The following MAGOHB variants were observed in gnomAD, a reference collection of about 807,000 sequenced individuals.
MAGOHB encodes protein mago nashi homolog 2.
A neutral mutation model predicts 20.9 loss-of-function variants in MAGOHB; 15 were observed. That is an observed-to-expected ratio of 0.72 (90% CI 0.48 to 1.11). The LOEUF is 1.11. Ranked by LOEUF, MAGOHB falls within the 50% of genes least tolerant of loss-of-function variation. MAGOHB has a pLI of 0.00. For synonymous variants in MAGOHB, 50 were observed against 57.9 expected (o/e 0.86, Z 0.62); for missense variants, 162 against 177.6 (o/e 0.91, Z 0.50).
chr12:10,607,753 T>C (rs1865654978), intron 4 of MAGOHB, 101 bp downstream of exon 4: 1 of 675,506 alleles, frequency 1.5e-6, no homozygotes, highest in Non-Finnish European at 2.6e-6. Context: ...AATAAACTGA[T>C]AGGATGCCAC....
chr12:10,604,013 T>C (rs10772332), downstream of MAGOHB, among the ~76,000 whole-genome samples: 114,050 of 152,044 alleles, frequency 0.75, 43,620 homozygotes, highest in East Asian at 0.99. Flanking sequence ...CTGATACCAA[T>C]GAAATACCAA....
In MAGOHB at chr12:10,609,846, A is replaced by G; in HGVS notation, c.249T>C (p.Asp83=). The part of the protein sequence containing the change: ...KEDDALWPPP[D]RVGRQELEIV... ...AAATACAAACCTGTCGGCCAACCCTATCAGGGGGAGGCCACAAAGCATCAT... is the reference window on the plus strand; with the variant it reads ...AAATACAAACCTGTCGGCCAACCCTGTCAGGGGGAGGCCACAAAGCATCAT... Residue 83 remains aspartate, a synonymous_variant, in exon 3 of 5, where the codon GAT becomes GAC. Transcript: ENST00000320756. 1 of 1,608,858 alleles carries G rather than the reference A, an allele frequency of 6.2e-7. No homozygotes were observed. Among genetic ancestry groups the G allele is most frequent in the Admixed American group, 1.7e-5 (1 of 59,852 alleles).
rs1379360976 is a variant in MAGOHB at position 10,606,389 on chromosome 12, G to C, written c.348-15C>G. Reference sequence around the variant, plus strand: ...CTTCAGGATCCCTAAAATTTAAAAAGGTAAAAGTTACTTTTTCTTCCTAGG... The same window carrying C: ...CTTCAGGATCCCTAAAATTTAAAAACGTAAAAGTTACTTTTTCTTCCTAGG... On this transcript the variant is annotated splice_polypyrimidine_tract_variant and intron_variant, in intron 4 of 4. Coordinates refer to ENST00000320756, the MANE Select transcript of MAGOHB (RefSeq NM_018048.5). 7.1e-7 allele frequency: 1 copy of C among 1,415,030 alleles called. No individual in the cohort carries two copies. The highest frequency in any genetic ancestry group is 1.5e-5 in the African/African-American group (1 of 68,710). 87.7% of individuals were successfully genotyped at this position (1,415,030 alleles called of 1,614,324 possible).
At position 10,606,391 on chromosome 12, in the gene MAGOHB, TA is replaced by T. The variant is rs1395261282; in HGVS notation, c.348-18del. On this transcript the variant is annotated intron_variant, in intron 4 of 4. Transcript: ENST00000320756. The stretch of plus-strand genomic sequence containing the variant: ...TCAGGATCCCTAAAATTTAAAAAGG[TA>T]AAAGTTACTTTTTCTTCCTAGGATA... The T allele has an allele frequency of 2.2e-5, 30 of 1,391,544 alleles. No individual in the cohort carries two copies. The Middle Eastern group carries it at 5.3e-4, about 25-fold the overall frequency. 86.2% of individuals were successfully genotyped at this position (1,391,544 alleles called of 1,614,324 possible).
chr12:10,609,632 C>A (rs1490157977), intron 3 of MAGOHB, 199 bp downstream of exon 3: 1 of 564,970 alleles, frequency 1.8e-6, no homozygotes. Flanking sequence ...AAATTTAGAG[C>A]TATGCACTGA....
At chr12:10,603,777 TTTG>T (rs1865578962), downstream of MAGOHB, among the ~76,000 whole-genome samples, 1 of 152,192 alleles carries the variant, frequency 6.6e-6, no homozygotes, top group African/African-American at 2.4e-5. Flanking sequence ...TTCATTTACC[TTTG>T]TTGTTTATTA....
chr12:10,600,500 T>C (rs1180494014), downstream of MAGOHB, among the ~76,000 whole-genome samples: 1 of 152,086 alleles, frequency 6.6e-6, no homozygotes, highest in Non-Finnish European at 1.5e-5. Context: ...CCAGAAGAGA[T>C]GTTCCCTTTG....
At chr12:10,612,708 T>C in intron 1 of MAGOHB, 1 of 1,159,580 alleles carries the variant, frequency 8.6e-7, no homozygotes, top group Non-Finnish European at 1.1e-6. Flanking sequence ...AAAATATATA[T>C]CCAAATGAAC....
chr12:10,606,691 C>T (rs984588848), intron 4 of MAGOHB, among the ~76,000 whole-genome samples: 4 of 151,364 alleles, frequency 2.6e-5, no homozygotes, highest in East Asian at 1.9e-4. Flanking sequence ...TAACTATAAA[C>T]ATTTTGATGT....
intron 1 of MAGOHB, chr12:10,612,940 C>A (rs371861292): frequency 7.8e-7 from 1 of 1,289,184 alleles, no homozygotes; most frequent in South Asian, 1.2e-5. Context: ...TCCTGTGGAA[C>A]TTTACCTCTC....
downstream of MAGOHB, among the ~76,000 whole-genome samples, chr12:10,601,793 A>G (rs779788877): frequency 6.6e-6 from 1 of 152,240 alleles, no homozygotes; most frequent in Non-Finnish European, 1.5e-5. Flanking sequence ...AGGTTCAATA[A>G]AAGTATCACA....
At chr12:10,602,215 CA>C (rs1484797132), downstream of MAGOHB, among the ~76,000 whole-genome samples, 1 of 152,184 alleles carries the variant, frequency 6.6e-6, no homozygotes, top group Admixed American at 6.5e-5. Flanking sequence ...ATAAAGTCCA[CA>C]AGTCTGTCTT....
At chr12:10,603,313 C>CAAA (rs11296285), downstream of MAGOHB, among the ~76,000 whole-genome samples, 5 of 75,120 alleles carry the variant, frequency 6.7e-5, no homozygotes, top group South Asian at 4.9e-4. Context: ...GACTCCGTCT[C>CAAA]AAAAAAAAAA....
chr12:10,609,744 T>TA (rs1376115121), intron 3 of MAGOHB, 87 bp downstream of exon 3: 1 of 826,580 alleles, frequency 1.2e-6, no homozygotes, highest in Admixed American at 2.4e-5. Flanking sequence ...AGAATCAACT[T>TA]AGACTCATTC....
intron 2 of MAGOHB, 37 bp downstream of exon 2, chr12:10,610,577 CAAAAAAAA>C (rs541042923): frequency 4.5e-4 from 325 of 727,726 alleles, no homozygotes; most frequent in Middle Eastern, 4.7e-4. Flanking sequence ...GGGCTAAATG[CAAAAAAAA>C]AAAAAAAAAA....
At chr12:10,603,091 C>A (rs1308035742), downstream of MAGOHB, among the ~76,000 whole-genome samples, 1 of 152,082 alleles carries the variant, frequency 6.6e-6, no homozygotes, top group African/African-American at 2.4e-5. Flanking sequence ...CCGAAGCAGG[C>A]ACAAGGTCAG....
chr12:10,603,951 T>A (rs1458290748), downstream of MAGOHB, among the ~76,000 whole-genome samples: 1 of 151,632 alleles, frequency 6.6e-6, no homozygotes, highest in African/African-American at 2.4e-5. Flanking sequence ...ATATAAATCA[T>A]CTCAGTTACA....
chr12:10,599,910 A>G (rs1865538199), downstream of MAGOHB, among the ~76,000 whole-genome samples: 1 of 152,340 alleles, frequency 6.6e-6, no homozygotes, highest in Admixed American at 6.5e-5. Flanking sequence ...TACTTTAGAG[A>G]AACTGCTGGT....
chr12:10,599,826 G>C (rs907344223), downstream of MAGOHB, among the ~76,000 whole-genome samples: 3 of 152,144 alleles, frequency 2.0e-5, no homozygotes, highest in Non-Finnish European at 4.4e-5. Context: ...ATCAATATTT[G>C]AGGGCTGAAA....
Sources: gnomAD v4.1 joint callset for allele counts (sites outside exome capture counted in the v4.1 genomes callset) on GRCh38, gnomAD v4.1.1 for gene constraint, MANE v1.5 for transcripts, NCBI Gene and HGNC (gene_info 2026-07-23, HGNC 2026-07-21) for gene names.